Variants in ZBBX observed in about 807,000 individuals in gnomAD.
The protein encoded by ZBBX is zinc finger B-box domain-containing protein 1.
ZBBX carries 101 observed loss-of-function variants against 108.5 expected under a neutral mutation model. The observed-to-expected ratio is 0.93, with a 90% CI of 0.79 to 1.10. ZBBX has a LOEUF of 1.10. Ranked by LOEUF, ZBBX falls within the 50% of genes least tolerant of loss-of-function variation. ZBBX has a pLI of 0.00. For synonymous variants in ZBBX, 356 were observed against 323.4 expected (o/e 1.10, Z -1.08); for missense variants, 1,009 against 941.4 (o/e 1.07, Z -0.94).
the ZBBX span, among the ~76,000 whole-genome samples, chr3:167,194,576 A>T: frequency 6.6e-6 from 1 of 152,250 alleles, no homozygotes; most frequent in Non-Finnish European, 1.5e-5. Flanking sequence ...AATATAAAAA[A>T]TATGGCAATG....
At chr3:167,219,929 C>G in the ZBBX span, among the ~76,000 whole-genome samples, 1 of 151,980 alleles carries the variant, frequency 6.6e-6, no homozygotes, top group South Asian at 2.1e-4. Context: ...ACAGCCGATA[C>G]TGCAGAAATT....
chr3:167,332,880 A>T (rs969356442), intron 10 of ZBBX, among the ~76,000 whole-genome samples: 3 of 152,154 alleles, frequency 2.0e-5, no homozygotes, highest in African/African-American at 4.8e-5. Context: ...CTATTCTCTC[A>T]TTTGAAAAAG....
At position 167,328,084 on chromosome 3, in the gene ZBBX, A is replaced by G. The variant is rs2108362254; in HGVS notation, c.720T>C (p.Arg240=). 3 of 1,613,696 alleles carry G rather than the reference A, an allele frequency of 1.9e-6. No homozygotes were observed. The highest frequency in any genetic ancestry group is 2.5e-6 in the Non-Finnish European group (3 of 1,179,834). The part of the protein sequence containing the change: ...VEITTMKRAQ[R]TKPRKSLLCE... The stretch of plus-strand genomic sequence containing the variant: ...ACAACAGACTCTTTCTTGGTTTTGT[A>G]CGTTGTGCTCTTTTCATCGTTGTAA... Residue 240 remains arginine (R), a synonymous_variant, in exon 11 of 22, where the codon CGT becomes CGC. Transcript: ENST00000675490.
intron 12 of ZBBX, among the ~76,000 whole-genome samples, chr3:167,318,507 A>C (rs541984938): frequency 1.3e-5 from 2 of 152,096 alleles, no homozygotes; most frequent in Admixed American, 6.6e-5. Flanking sequence ...ATTTGAACTC[A>C]AGGAGTCTGC....
intron 10 of ZBBX, among the ~76,000 whole-genome samples, 200 bp downstream of exon 10, chr3:167,333,627 A>C (rs1388196541): frequency 6.6e-6 from 1 of 152,250 alleles, no homozygotes; most frequent in East Asian, 1.9e-4. Flanking sequence ...CAAAAAGAGT[A>C]GTGTTCAGTG....
intron 20 of ZBBX, among the ~76,000 whole-genome samples, chr3:167,269,357 A>G (rs1726136307): frequency 6.6e-6 from 1 of 152,178 alleles, no homozygotes. Flanking sequence ...AGATTGATTG[A>G]CTCATATCCA....
At chr3:167,273,082 C>T (rs1726833485) in intron 20 of ZBBX, among the ~76,000 whole-genome samples, 1 of 152,160 alleles carries the variant, frequency 6.6e-6, no homozygotes, top group Admixed American at 6.5e-5. Flanking sequence ...TTTATTAATC[C>T]TTCATTCTCT....
rs780041671 is a variant in ZBBX, at chr3:167,298,415, T to C, written c.1769A>G (p.Gln590Arg). The C allele has an allele frequency of 4.4e-6, 7 of 1,580,344 alleles. No individual in the cohort carries two copies. In the Admixed American group the frequency reaches 1.2e-4, roughly 27 times the overall value. ...AAAGAATCTCTCAAGTCCTTGATATTGTTTTGTTATAGGCTTACTTCTGCA... is the reference window on the plus strand; with the variant it reads ...AAAGAATCTCTCAAGTCCTTGATATCGTTTTGTTATAGGCTTACTTCTGCA... ...IACRSKPITK[Q>R]YQGLERFFIF... Residue 590 changes from glutamine to arginine, a missense_variant, in exon 18 of 22, where the codon CAA (glutamine) becomes CGA (arginine). Transcript: ENST00000675490.
the ZBBX span, among the ~76,000 whole-genome samples, chr3:167,204,179 AAATCAATTTT>A: frequency 6.6e-6 from 1 of 150,412 alleles, no homozygotes; most frequent in Non-Finnish European, 1.5e-5. Flanking sequence ...TGCAGAAGAA[AAATCAATTTT>A]CTTTTTTTCT....
rs964947809 is a variant in ZBBX, at chr3:167,327,871, G to A, written c.862+71C>T. ...GGAGGTTGCAGTAAGCCAAGATCAC[G>A]CCGCTGCACTCCAGCCTGGGCAACA... On this transcript the variant is annotated intron_variant, in intron 11 of 21. Transcript: ENST00000675490. The A allele has an allele frequency of 2.8e-5, 40 of 1,429,110 alleles. No homozygotes were observed. In the East Asian group the frequency reaches 2.8e-4, roughly 10 times the overall value. The allele number at this position is 1,429,110 out of a possible 1,614,324, so 88.5% of individuals were successfully genotyped here. A position where few individuals can be genotyped will look rare whatever the true frequency, so the allele number is the denominator to read the frequency against.
chr3:167,295,738 TATATATATATATATATATATAA>T lies in ZBBX; in HGVS notation c.1879+2545_1879+2566del, dbSNP rs1430421224. Among the ~76,000 whole-genome samples the T allele has an allele frequency of 1.4e-3, 36 of 25,574 alleles. 2 individuals are homozygous for T. Among genetic ancestry groups the T allele is most frequent in the African/African-American group, 4.0e-3 (26 of 6,452 alleles). 16.8% of individuals were successfully genotyped at this position (25,574 alleles called of 152,430 possible). On this transcript the variant is annotated intron_variant, in intron 18 of 21. Coordinates refer to ENST00000675490, the MANE Select transcript of ZBBX (RefSeq NM_001199201.2). ...ATATATATATATATATATATATATA[TATATATATATATATATATATAA>T]AAAAAACTAGTAAGGAGATTAAATC...
At chr3:167,282,581 A>G in intron 19 of ZBBX, 86 bp from the exon 20 acceptor site, 2 of 1,167,100 alleles carry the variant, frequency 1.7e-6, no homozygotes, top group Non-Finnish European at 2.4e-6. Context: ...GTCCCTGCAC[A>G]CAGAGAAGTT....
intron 16 of ZBBX, among the ~76,000 whole-genome samples, chr3:167,312,385 C>T (rs1181361617): frequency 1.3e-5 from 2 of 152,110 alleles, no homozygotes. Context: ...TTTGTCAAAA[C>T]TCATAGCATG....
intron 10 of ZBBX, among the ~76,000 whole-genome samples, chr3:167,332,370 T>C (rs1039370123): frequency 2.6e-5 from 4 of 152,096 alleles, no homozygotes; most frequent in African/African-American, 9.7e-5. Context: ...GTTTCTCTAG[T>C]TGATTTTAAT....
intron 21 of ZBBX, 103 bp downstream of exon 21, chr3:167,242,402 C>T: frequency 2.0e-6 from 2 of 979,348 alleles, no homozygotes; most frequent in East Asian, 2.5e-5. Context: ...ATAAAGTATA[C>T]ACATGAGGAC....
chr3:167,283,736 C>T (rs1358762250), intron 19 of ZBBX, among the ~76,000 whole-genome samples: 2 of 152,104 alleles, frequency 1.3e-5, no homozygotes, highest in African/African-American at 4.8e-5. Context: ...ACCTTTGCCT[C>T]CCAGGTTCAA....
At chr3:167,358,030 GA>G (rs1560177637) in intron 8 of ZBBX, among the ~76,000 whole-genome samples, 3 of 151,994 alleles carry the variant, frequency 2.0e-5, no homozygotes. Flanking sequence ...CTGTTGTTGA[GA>G]GGGGAGGGAT....
chr3:167,362,933 G>C (rs934886412), intron 6 of ZBBX, among the ~76,000 whole-genome samples: 7 of 151,734 alleles, frequency 4.6e-5, no homozygotes, highest in African/African-American at 1.7e-4. Flanking sequence ...ATTTCTGCTT[G>C]ACAGTCTTAG....
chr3:167,348,302 GAGA>G (rs1489156305), intron 9 of ZBBX, among the ~76,000 whole-genome samples: 24 of 88,278 alleles, frequency 2.7e-4, no homozygotes, highest in African/African-American at 8.5e-4. Flanking sequence ...AAAGAAGAAA[GAGA>G]GAAAGAAAGA....
Sources: gnomAD v4.1 joint callset for allele counts (sites outside exome capture counted in the v4.1 genomes callset) on GRCh38, gnomAD v4.1.1 for gene constraint, MANE v1.5 for transcripts, NCBI Gene and HGNC (gene_info 2026-07-23, HGNC 2026-07-21) for gene names.